PTPRD: variants seen among roughly 807,000 people sequenced by gnomAD.
The protein encoded by PTPRD is receptor-type tyrosine-protein phosphatase delta.
A neutral mutation model predicts 214.5 loss-of-function variants in PTPRD; 34 were observed. That is an observed-to-expected ratio of 0.16 (90% CI 0.12 to 0.21). The LOEUF (loss-of-function observed/expected upper bound fraction) is 0.21, where lower values mean the gene tolerates loss of function less well. Ranked by LOEUF, PTPRD falls within the 10% of genes least tolerant of loss-of-function variation. The pLI, the probability that PTPRD is intolerant of heterozygous loss-of-function variation, is 1.00. For missense variants in PTPRD, 2,545 were observed against 2,398.7 expected, an observed-to-expected ratio of 1.06 and a Z score of -1.27; for synonymous variants, 1,128 against 845.7, an observed-to-expected ratio of 1.33 and a Z score of -5.79.
intron 6 of PTPRD, among the ~76,000 whole-genome samples, chr9:9,741,416 A>G (rs2098400345): frequency 6.6e-6 from 1 of 150,660 alleles, no homozygotes; most frequent in African/African-American, 2.4e-5. Context: ...TTACAAGTTA[A>G]CAACAACAAA....
At chr9:9,602,560 T>C (rs1407829933) in intron 7 of PTPRD, among the ~76,000 whole-genome samples, 2 of 152,276 alleles carry the variant, frequency 1.3e-5, no homozygotes, top group East Asian at 1.9e-4. Flanking sequence ...AGGAGTTAAA[T>C]GAGGTAGTAC....
At chr9:10,472,251 C>A (rs2099035800) in intron 2 of PTPRD, among the ~76,000 whole-genome samples, 1 of 152,066 alleles carries the variant, frequency 6.6e-6, no homozygotes, top group Non-Finnish European at 1.5e-5. Context: ...TAATGAACCT[C>A]TTTTTCAAGA....
chr9:10,221,215 T>C (rs953712752), intron 3 of PTPRD, among the ~76,000 whole-genome samples: 2 of 152,038 alleles, frequency 1.3e-5, no homozygotes, highest in Non-Finnish European at 2.9e-5. Flanking sequence ...TCTCCAGTCG[T>C]TGGTGTGCAG....
intron 2 of PTPRD, among the ~76,000 whole-genome samples, chr9:10,508,165 C>A (rs1443682815): frequency 1.3e-5 from 2 of 152,170 alleles, no homozygotes; most frequent in African/African-American, 4.8e-5. Context: ...CAAAAGAAGA[C>A]GTTTATGCAG....
intron 34 of PTPRD, among the ~76,000 whole-genome samples, chr9:8,446,589 T>G (rs1175744376): frequency 6.6e-6 from 1 of 152,212 alleles, no homozygotes; most frequent in Non-Finnish European, 1.5e-5. Flanking sequence ...TTGAAAGACA[T>G]TTTTTGAACA....
rs539055111 is a variant in PTPRD, at chr9:10,429,953, C to A, written c.-599-88936G>T. Among the ~76,000 whole-genome samples the A allele has an allele frequency of 5.3e-5, 8 of 151,926 alleles. No individual in the cohort carries two copies. In the South Asian group the frequency reaches 1.7e-3, roughly 32 times the overall value. ...TCATTGTAAAAGGCACAATTTAAACCAAGATGACCCTATTCCCTATGCCAC... is the reference window on the plus strand; with the variant it reads ...TCATTGTAAAAGGCACAATTTAAACAAAGATGACCCTATTCCCTATGCCAC... On this transcript the variant is annotated intron_variant, in intron 2 of 45. Transcript: ENST00000381196.
Position 9,802,393 on chromosome 9 carries a change from A to T in PTPRD, c.-367-35542T>A, listed in dbSNP as rs2821489. On this transcript the variant is annotated intron_variant, in intron 5 of 45. Transcript: ENST00000381196. ...ATTATAGCTTGCTCCCTGCCTCCTT[A>T]GAATTTGAAGTTAATGCACTACCTT... Among the ~76,000 whole-genome samples the T allele has an allele frequency of 5.5e-3, 843 of 152,036 alleles. 8 individuals carry two copies. The highest frequency in any genetic ancestry group is 0.019 in the African/African-American group (792 of 41,530).
intron 8 of PTPRD, among the ~76,000 whole-genome samples, chr9:9,494,324 G>A (rs773607229): frequency 5.3e-5 from 8 of 152,216 alleles, no homozygotes; most frequent in Non-Finnish European, 1.0e-4. Flanking sequence ...TTTGAAAGAA[G>A]TTATACTCTG....
intron 4 of PTPRD, among the ~76,000 whole-genome samples, chr9:9,993,435 T>C (rs2096016845): frequency 6.6e-6 from 1 of 152,164 alleles, no homozygotes; most frequent in Admixed American, 6.5e-5. Context: ...GGATAAGTAG[T>C]GGTGAGATGA....
At chr9:8,403,469 C>T (rs553534552) in intron 36 of PTPRD, among the ~76,000 whole-genome samples, 1 of 152,182 alleles carries the variant, frequency 6.6e-6, no homozygotes, top group Non-Finnish European at 1.5e-5. Flanking sequence ...TTTAAGTGGC[C>T]TCCTAAACTA....
intron 2 of PTPRD, among the ~76,000 whole-genome samples, chr9:10,563,279 T>A (rs978375867): frequency 6.6e-6 from 1 of 152,170 alleles, no homozygotes; most frequent in African/African-American, 2.4e-5. Context: ...CCTTTCCTTT[T>A]GAAGTTAAAG....
intron 30 of PTPRD, among the ~76,000 whole-genome samples, chr9:8,479,543 G>A (rs983587548): frequency 1.6e-4 from 24 of 152,010 alleles, no homozygotes; most frequent in Non-Finnish European, 3.1e-4. Flanking sequence ...AAAAAAAATT[G>A]AACAAGCTAA....
intron 5 of PTPRD, among the ~76,000 whole-genome samples, chr9:9,917,427 A>G (rs894032697): frequency 2.0e-5 from 3 of 146,530 alleles, no homozygotes; most frequent in Non-Finnish European, 4.5e-5. Context: ...ACACTCCAAT[A>G]CATTTTAAAA....
intron 10 of PTPRD, among the ~76,000 whole-genome samples, chr9:9,160,535 G>C (rs1254676233): frequency 6.6e-6 from 1 of 152,132 alleles, no homozygotes; most frequent in East Asian, 1.9e-4. Flanking sequence ...AAAGATAAGT[G>C]TTGGTGAGGA....
intron 11 of PTPRD, among the ~76,000 whole-genome samples, chr9:8,886,875 T>A (rs1017319025): frequency 2.0e-5 from 3 of 152,244 alleles, no homozygotes; most frequent in Non-Finnish European, 2.9e-5. Flanking sequence ...CTGGAAGATA[T>A]ACACACACAA....
intron 3 of PTPRD, among the ~76,000 whole-genome samples, chr9:10,133,327 T>C (rs748519173): frequency 3.3e-5 from 5 of 152,114 alleles, no homozygotes; most frequent in Admixed American, 6.6e-5. Context: ...TTGCAGAAAG[T>C]ACACCAAATA....
At chr9:10,147,360 G>C (rs1300416967) in intron 3 of PTPRD, among the ~76,000 whole-genome samples, 1 of 152,074 alleles carries the variant, frequency 6.6e-6, no homozygotes, top group African/African-American at 2.4e-5. Context: ...GTACCCAAAT[G>C]ACTATAAATC....
intron 8 of PTPRD, among the ~76,000 whole-genome samples, chr9:9,534,309 T>C (rs1351901544): frequency 6.6e-6 from 1 of 152,050 alleles, no homozygotes; most frequent in Non-Finnish European, 1.5e-5. Flanking sequence ...GACACAGTAG[T>C]CACATGTTCT....
intron 4 of PTPRD, among the ~76,000 whole-genome samples, chr9:9,997,589 A>G (rs7039519): frequency 0.016 from 2,421 of 152,266 alleles, 61 homozygotes; most frequent in African/African-American, 0.054. Flanking sequence ...GTGCCTGGCC[A>G]ACATGCAATT....
Sources: allele counts gnomAD v4.1 joint callset (sites outside exome capture counted in the v4.1 genomes callset), GRCh38; gene constraint gnomAD v4.1.1; transcripts MANE v1.5; gene names NCBI Gene and HGNC (gene_info 2026-07-23, HGNC 2026-07-21).